Variants in SORCS1 observed in about 807,000 individuals in gnomAD.
SORCS1 encodes sortilin related VPS10 domain containing receptor 1.
A neutral mutation model predicts 146.1 loss-of-function variants in SORCS1; 60 were observed. That is an observed-to-expected ratio of 0.41 (90% CI 0.33 to 0.51). The LOEUF is 0.51. SORCS1 is among the 20% of genes least tolerant of loss of function. The pLI is 0.21. For synonymous variants in SORCS1, 637 were observed against 584.0 expected (o/e 1.09, Z -1.31); for missense variants, 1,352 against 1,487.6 (o/e 0.91, Z 1.50).
chr10:106,762,190 G>C (rs1307503600), intron 4 of SORCS1, among the ~76,000 whole-genome samples: 1 of 152,050 alleles, frequency 6.6e-6, no homozygotes, highest in Non-Finnish European at 1.5e-5. Context: ...CTGAACGAAT[G>C]ACAGCATTCA....
chr10:107,087,900 C>T (rs1963878037), intron 1 of SORCS1, among the ~76,000 whole-genome samples: 1 of 152,028 alleles, frequency 6.6e-6, no homozygotes, highest in Non-Finnish European at 1.5e-5. Context: ...TTTGCCTAAC[C>T]AGCTGAATTT....
intron 3 of SORCS1, among the ~76,000 whole-genome samples, chr10:106,799,184 A>C (rs11193055): frequency 0.028 from 4,335 of 152,306 alleles, 79 homozygotes; most frequent in East Asian, 0.054. Context: ...CATATGTAGA[A>C]AGCTGAAACT....
intron 2 of SORCS1, among the ~76,000 whole-genome samples, chr10:106,936,236 C>T (rs1011643401): frequency 1.3e-5 from 2 of 152,184 alleles, no homozygotes; most frequent in Admixed American, 6.5e-5. Context: ...TTTCCATTTA[C>T]ATCCTGACTG....
intron 1 of SORCS1, among the ~76,000 whole-genome samples, chr10:107,026,494 C>CT (rs548514848): frequency 2.8e-4 from 43 of 151,956 alleles, no homozygotes; most frequent in Non-Finnish European, 5.1e-4. Context: ...TGGTGGGCGC[C>CT]TGTAGCCCAG....
At chr10:106,738,217 A>C (rs1016594100) in intron 5 of SORCS1, among the ~76,000 whole-genome samples, 1 of 152,228 alleles carries the variant, frequency 6.6e-6, no homozygotes, top group Admixed American at 6.5e-5. Flanking sequence ...CTTTATCAGT[A>C]ATTTAAGAAC....
chr10:107,140,812 C>T (rs1242362873), intron 1 of SORCS1, among the ~76,000 whole-genome samples: 2 of 152,160 alleles, frequency 1.3e-5, no homozygotes, highest in East Asian at 1.9e-4. Context: ...TCTTGTAATA[C>T]TCAAGTTAAC....
chr10:106,907,130 T>C (rs778132328), intron 2 of SORCS1, among the ~76,000 whole-genome samples: 1 of 152,188 alleles, frequency 6.6e-6, no homozygotes, highest in Non-Finnish European at 1.5e-5. Flanking sequence ...AGTAACTGTG[T>C]ACATGGTTTT....
chr10:106,926,755 G>C (rs1361740130), intron 2 of SORCS1, among the ~76,000 whole-genome samples: 1 of 151,066 alleles, frequency 6.6e-6, no homozygotes, highest in Non-Finnish European at 1.5e-5. Context: ...GATTTTAGTA[G>C]CATTAAGATG....
At chr10:106,980,265 T>C (rs927393594) in intron 1 of SORCS1, among the ~76,000 whole-genome samples, 1 of 152,232 alleles carries the variant, frequency 6.6e-6, no homozygotes, top group Non-Finnish European at 1.5e-5. Context: ...AAACATGTAA[T>C]AATTGTATGC....
chr10:107,089,417 G>C (rs1276321059), intron 1 of SORCS1, among the ~76,000 whole-genome samples: 1 of 152,142 alleles, frequency 6.6e-6, no homozygotes, highest in African/African-American at 2.4e-5. Flanking sequence ...GAAAAGACTA[G>C]TTTAAGTTAT....
chr10:106,590,275 C>G (rs1554871436), intron 24 of SORCS1, among the ~76,000 whole-genome samples: 1 of 151,964 alleles, frequency 6.6e-6, no homozygotes, highest in South Asian at 2.1e-4. Flanking sequence ...AACATTTTTT[C>G]ATTCTCCTCA....
Position 106,651,036 on chromosome 10 carries a change from T to C in SORCS1, c.2475+1346A>G, listed in dbSNP as rs576861326. ...TTGCCTAAATTGGCCTGTGTTTTTC[T>C]AGTTCCAACTGAAGAATTTTTGGGC... On this transcript the variant is annotated intron_variant, in intron 18 of 25. Transcript: ENST00000263054. 8.0e-4 allele frequency among the ~76,000 whole-genome samples: 122 copies of C among 152,308 alleles called. 1 individual carries two copies. The highest frequency in any genetic ancestry group is 3.4e-3 in the Middle Eastern group (1 of 294).
At chr10:106,745,540 T>C (rs1405404807) in intron 5 of SORCS1, among the ~76,000 whole-genome samples, 1 of 152,238 alleles carries the variant, frequency 6.6e-6, no homozygotes, top group Non-Finnish European at 1.5e-5. Context: ...CTATGAATAC[T>C]ATAGTAGGCA....
Position 106,766,120 on chromosome 10 carries a change from C to T in SORCS1, c.886-4459G>A, listed in dbSNP as rs918040128. On this transcript the variant is annotated intron_variant, in intron 4 of 25. Coordinates refer to ENST00000263054, the MANE Select transcript of SORCS1 (RefSeq NM_052918.5). ...TCCTCCACACAGGCTCCTTAGGAGG[C>T]GCCTGTGTTGGCGGAAAACATCCTG... Among the ~76,000 whole-genome samples the T allele has an allele frequency of 2.6e-5, 4 of 152,228 alleles. No individual in the cohort carries two copies. In the East Asian group the frequency reaches 5.8e-4, roughly 22 times the overall value.
intron 5 of SORCS1, among the ~76,000 whole-genome samples, chr10:106,752,155 A>G (rs898583523): frequency 6.6e-6 from 1 of 152,204 alleles, no homozygotes; most frequent in Admixed American, 6.5e-5. Context: ...TCCTAAATCC[A>G]TGCTTTTCCT....
At chr10:106,995,891 C>T (rs1450889316) in intron 1 of SORCS1, among the ~76,000 whole-genome samples, 1 of 151,906 alleles carries the variant, frequency 6.6e-6, no homozygotes, top group African/African-American at 2.4e-5. Flanking sequence ...TGTGACCAGT[C>T]AAAGGAGAAG....
chr10:106,645,168 TTA>T (rs1208361250), intron 18 of SORCS1, among the ~76,000 whole-genome samples: 1 of 75,792 alleles, frequency 1.3e-5, no homozygotes, highest in African/African-American at 5.2e-5. Context: ...GGGTGTCTTA[TTA>T]TTTTTTTTTT....
intron 2 of SORCS1, among the ~76,000 whole-genome samples, chr10:106,927,809 T>A (rs1350928656): frequency 6.6e-6 from 1 of 152,116 alleles, no homozygotes; most frequent in Non-Finnish European, 1.5e-5. Flanking sequence ...GGGTACTGAT[T>A]GGTGTGTTTA....
In SORCS1 at chr10:106,953,445, T is replaced by C. The variant is rs1269375100; in HGVS notation, c.626+3068A>G. Among the ~76,000 whole-genome samples, 4 of 152,148 alleles carry C rather than the reference T, an allele frequency of 2.6e-5. No individual in the cohort carries two copies. The East Asian group carries it at 7.7e-4, about 29-fold the overall frequency. ...TGATAGTGTTGTGTTGTTTTTAAAT[T>C]TTTTTCCCCCAACAGTTTTGATCCA... On this transcript the variant is annotated intron_variant, in intron 2 of 25. Transcript: ENST00000263054.
Sources: gnomAD v4.1 joint callset for allele counts (sites outside exome capture counted in the v4.1 genomes callset) on GRCh38, gnomAD v4.1.1 for gene constraint, MANE v1.5 for transcripts, NCBI Gene and HGNC (gene_info 2026-07-23, HGNC 2026-07-21) for gene names.